The following PIK3C3 variants were observed in gnomAD, a reference collection of about 807,000 sequenced individuals.
PIK3C3 encodes the protein PI3-kinase type 3.
In PIK3C3, 95 loss-of-function variants were observed where a neutral mutation model predicts 126.1. The observed-to-expected ratio is 0.75, with a 90% CI of 0.64 to 0.89. The LOEUF (loss-of-function observed/expected upper bound fraction) is 0.89, where lower values mean the gene tolerates loss of function less well. PIK3C3 is among the 40% of genes least tolerant of loss of function. The pLI is 0.00. For synonymous variants in PIK3C3, 374 were observed against 360.0 expected (o/e 1.04, Z -0.44); for missense variants, 829 against 1,063.2 (o/e 0.78, Z 3.06).
chr18:42,033,846 G>C lies in PIK3C3; in HGVS notation c.1728G>C (p.Leu576Phe). 1 of 1,604,378 alleles carries C rather than the reference G, an allele frequency of 6.2e-7. No homozygotes were observed. Among genetic ancestry groups the C allele is most frequent in the South Asian group, 1.1e-5 (1 of 89,698 alleles). ...RKKKNERLQA[L>F]LGDNEKMNLS... ...TCTAGAATGAGAGACTACAGGCATT[G>C]CTTGGAGATAATGAAAAGATGAATT... The change falls in exon 16 of 25, where the codon TTG becomes TTC. Residue 576 changes from leucine to phenylalanine, a missense_variant. By Grantham distance (22) the Leu-to-Phe change is conservative. Coordinates refer to ENST00000262039, the MANE Select transcript of PIK3C3 (RefSeq NM_002647.4).
rs544001058 is a variant in PIK3C3, at chr18:42,064,706, CGT to C, written c.2433-33_2433-32del. On this transcript the variant is annotated intron_variant, in intron 22 of 24. Coordinates refer to ENST00000262039, the MANE Select transcript of PIK3C3 (RefSeq NM_002647.4). Reference sequence around the variant, plus strand: ...GAGAAAGAAATGCAGAATTCTTAATCGTTGCTATTTTTTTCTTTTCTGCTCTT... The same window carrying C: ...GAGAAAGAAATGCAGAATTCTTAATCTGCTATTTTTTTCTTTTCTGCTCTT... 1.1e-3 allele frequency: 1,042 copies of C among 975,758 alleles called. 11 individuals are homozygous for C. The highest frequency in any genetic ancestry group is 8.9e-3 in the South Asian group (659 of 74,308). 60.4% of individuals were successfully genotyped at this position (975,758 alleles called of 1,614,324 possible).
At chr18:42,000,886 G>A (rs186183977) in intron 9 of PIK3C3, among the ~76,000 whole-genome samples, 1 of 152,216 alleles carries the variant, frequency 6.6e-6, no homozygotes, top group African/African-American at 2.4e-5. Flanking sequence ...CATAACACGT[G>A]GGAGCTGAAG....
chr18:42,020,026 G>C (rs984064408), intron 12 of PIK3C3, among the ~76,000 whole-genome samples: 2 of 151,752 alleles, frequency 1.3e-5, no homozygotes, highest in African/African-American at 4.8e-5. Context: ...CTAGTCTACC[G>C]TAATAGCATC....
In PIK3C3 at chr18:42,086,825, A is replaced by G. The variant is rs886358995; in HGVS notation, c.*5688A>G. On this transcript the variant is annotated 3_prime_UTR_variant, in exon 25 of 25. Transcript: ENST00000262039. ...AATAATCATTAAAAAATAGCCAACC[A>G]GCAGCTCATGCTGCTGGTCTGCCTA... 1 of 152,190 alleles carries G rather than the reference A, an allele frequency of 6.6e-6. No individual in the cohort carries two copies. Among genetic ancestry groups the G allele is most frequent in the Non-Finnish European group, 1.5e-5 (1 of 68,022 alleles). The allele number at this position is 152,190 out of a possible 1,614,324, so 9.4% of individuals were successfully genotyped here. A position where few individuals can be genotyped will look rare whatever the true frequency, so the allele number is the denominator to read the frequency against.
chr18:42,069,394 G>C (rs1347196446), intron 24 of PIK3C3, among the ~76,000 whole-genome samples: 1 of 152,184 alleles, frequency 6.6e-6, no homozygotes, highest in African/African-American at 2.4e-5. Flanking sequence ...TGACATCTGT[G>C]ACAAACAAGG....
chr18:41,994,882 T>C (rs1319365523), intron 7 of PIK3C3, among the ~76,000 whole-genome samples: 1 of 151,950 alleles, frequency 6.6e-6, no homozygotes, highest in African/African-American at 2.4e-5. Context: ...TACAAAAAAA[T>C]AAAATAAATT....
rs781723923 is a variant in PIK3C3, at chr18:42,043,299, A to C, written c.2104-434A>C. Among the ~76,000 whole-genome samples, 4 of 152,042 alleles carry C rather than the reference A, an allele frequency of 2.6e-5. No individual in the cohort carries two copies. The East Asian group carries it at 7.7e-4, about 29-fold the overall frequency. On this transcript the variant is annotated intron_variant, in intron 19 of 24. Transcript: ENST00000262039. ...GTAGAGACTGGGTTTCACCATGTTGACCAGGATGTTCTTGATCTCTTGACC... is the reference window on the plus strand; with the variant it reads ...GTAGAGACTGGGTTTCACCATGTTGCCCAGGATGTTCTTGATCTCTTGACC...
chr18:42,013,183 A>C (rs1469683749), intron 10 of PIK3C3, among the ~76,000 whole-genome samples: 2 of 148,008 alleles, frequency 1.4e-5, no homozygotes, highest in Admixed American at 6.8e-5. Context: ...TCTGTGCCGG[A>C]CACTATACTG....
At chr18:42,076,602 T>TA (rs1384186608) in intron 24 of PIK3C3, among the ~76,000 whole-genome samples, 6 of 152,150 alleles carry the variant, frequency 3.9e-5, no homozygotes, top group Non-Finnish European at 7.4e-5. Context: ...ACATGATATT[T>TA]AAAAAACAAA....
At chr18:42,064,585 T>G in intron 22 of PIK3C3, 155 bp from the exon 23 acceptor site, 1 of 568,108 alleles carries the variant, frequency 1.8e-6, no homozygotes, top group Non-Finnish European at 3.2e-6. Context: ...TGTCAAGGCT[T>G]GCATTTCATT....
Position 42,037,697 on chromosome 18 carries a change from C to A in PIK3C3, c.1845C>A (p.Ala615=). The A allele has an allele frequency of 6.2e-7, 1 of 1,607,872 alleles. No individual in the cohort carries two copies. Residue 615 remains alanine, a synonymous_variant, in exon 17 of 25, where the codon GCC becomes GCA. Coordinates refer to ENST00000262039, the MANE Select transcript of PIK3C3 (RefSeq NM_002647.4). ...IPETATLFKS[A]LMPAQLFFKT... ...TCAATATTTTTATTTTCCAGAGTGC[C>A]CTTATGCCTGCACAGTTGTTTTTTA...
At chr18:42,045,116 A>G (rs1319469884) in intron 20 of PIK3C3, among the ~76,000 whole-genome samples, 1 of 152,222 alleles carries the variant, frequency 6.6e-6, no homozygotes, top group Non-Finnish European at 1.5e-5. Context: ...AGAATATGGA[A>G]ATAAAATTGT....
At chr18:41,974,811 C>A (rs377558918) in intron 4 of PIK3C3, among the ~76,000 whole-genome samples, 1 of 152,226 alleles carries the variant, frequency 6.6e-6, no homozygotes, top group Middle Eastern at 3.4e-3. Context: ...AATGCATATC[C>A]ACCTGGGGTT....
chr18:41,988,889 TCTTAAA>T (rs1362999325), intron 5 of PIK3C3, among the ~76,000 whole-genome samples: 3 of 152,122 alleles, frequency 2.0e-5, no homozygotes, highest in Admixed American at 2.0e-4. Flanking sequence ...ATTTTTCTCT[TCTTAAA>T]CTTAGATATC....
At chr18:41,992,878 G>A (rs1262278067) in intron 6 of PIK3C3, among the ~76,000 whole-genome samples, 1 of 152,018 alleles carries the variant, frequency 6.6e-6, no homozygotes, top group Non-Finnish European at 1.5e-5. Flanking sequence ...TGCAAATGAT[G>A]CAACACATCC....
At chr18:42,040,987 AGCCTG>A (rs1211579378) in intron 19 of PIK3C3, among the ~76,000 whole-genome samples, 25 of 152,142 alleles carry the variant, frequency 1.6e-4, no homozygotes, top group African/African-American at 5.8e-4. Context: ...TGGTGAACAC[AGCCTG>A]GCCAACATGG....
At chr18:41,989,943 A>G (rs989642414) in intron 5 of PIK3C3, among the ~76,000 whole-genome samples, 3 of 152,148 alleles carry the variant, frequency 2.0e-5, no homozygotes, top group African/African-American at 7.2e-5. Flanking sequence ...TCATTTTAAG[A>G]CCATTTATAA....
chr18:42,033,209 G>A (rs1598915043), intron 15 of PIK3C3, among the ~76,000 whole-genome samples: 2 of 152,298 alleles, frequency 1.3e-5, no homozygotes, highest in Admixed American at 6.5e-5. Flanking sequence ...GCTTATTGAT[G>A]AAGCTGTTTC....
At chr18:42,061,822 GT>G (rs1346338656) in intron 22 of PIK3C3, among the ~76,000 whole-genome samples, 2 of 152,118 alleles carry the variant, frequency 1.3e-5, no homozygotes, top group African/African-American at 4.8e-5. Flanking sequence ...AGCGTGGATG[GT>G]TAAATTTAAA....
Sources: gnomAD v4.1 joint callset for allele counts (sites outside exome capture counted in the v4.1 genomes callset) on GRCh38, gnomAD v4.1.1 for gene constraint, MANE v1.5 for transcripts, NCBI Gene and HGNC (gene_info 2026-07-23, HGNC 2026-07-21) for gene names.